Variants in PCDHGB2 observed in about 807,000 individuals in gnomAD.
PCDHGB2 encodes protocadherin gamma subfamily B, 2, also known as protocadherin gamma-B2.
PCDHGB2 carries 55 observed loss-of-function variants against 59.3 expected under a neutral mutation model. The ratio of observed to expected loss-of-function variants is 0.93; its 90% CI spans 0.75 to 1.16. PCDHGB2 has a LOEUF of 1.16. PCDHGB2 is among the 50% of genes most tolerant of loss of function. The pLI is 0.00. For missense variants in PCDHGB2, 1,228 were observed against 1,198.5 expected (o/e 1.02, Z -0.36); for synonymous variants, 516 against 512.0 (o/e 1.01, Z -0.11).
intron 1 of PCDHGB2, chr5:141,410,466 G>A (rs536543649): frequency 6.2e-7 from 1 of 1,613,908 alleles, no homozygotes; most frequent in African/African-American, 1.3e-5. Context: ...TATAATCTGT[G>A]CATTGCACAT....
chr5:141,382,838 A>C (rs1040102322), intron 1 of PCDHGB2: 1 of 1,445,878 alleles, frequency 6.9e-7, no homozygotes, highest in Non-Finnish European at 9.3e-7. Flanking sequence ...GTCCACCCGG[A>C]TACACCCGCA....
At position 141,511,345 on chromosome 5, in the gene PCDHGB2, T is replaced by A; in HGVS notation, c.*172T>A. The A allele has an allele frequency of 7.8e-6, 11 of 1,410,508 alleles. No individual in the cohort carries two copies. The highest frequency in any genetic ancestry group is 1.0e-5 in the Non-Finnish European group (11 of 1,060,682). 87.4% of individuals were successfully genotyped at this position (1,410,508 alleles called of 1,614,324 possible). ...AAGTGCCCAGTCAGCACCTACCCCT[T>A]CCCCCCCAGGGGGTTGAATATGCAA... On this transcript the variant is annotated 3_prime_UTR_variant, in exon 4 of 4. Transcript: ENST00000522605.
At chr5:141,401,815 C>A (rs1217081146) in intron 1 of PCDHGB2, among the ~76,000 whole-genome samples, 1 of 152,184 alleles carries the variant, frequency 6.6e-6, no homozygotes, top group Non-Finnish European at 1.5e-5. Context: ...GGGTTCCTTA[C>A]AAAGTGCTGA....
chr5:141,481,794 A>G (rs1433830305), intron 1 of PCDHGB2, among the ~76,000 whole-genome samples: 1 of 152,136 alleles, frequency 6.6e-6, no homozygotes, highest in Non-Finnish European at 1.5e-5. Context: ...TCTACTAAAA[A>G]TACAAAAATT....
At chr5:141,389,719 C>A (rs371194042) in intron 1 of PCDHGB2, 62 of 1,612,570 alleles carry the variant, frequency 3.8e-5, no homozygotes, top group South Asian at 1.1e-5. Flanking sequence ...GCTAGCGAGC[C>A]CGGGCTCTTC....
intron 1 of PCDHGB2, among the ~76,000 whole-genome samples, chr5:141,446,107 T>C (rs1031524158): frequency 6.6e-6 from 1 of 152,130 alleles, no homozygotes; most frequent in Admixed American, 6.5e-5. Flanking sequence ...TATAGATATA[T>C]TTAGGAAATG....
chr5:141,403,007 C>T (rs774624797), intron 1 of PCDHGB2: 10 of 1,613,940 alleles, frequency 6.2e-6, no homozygotes, highest in Non-Finnish European at 8.5e-6. Context: ...GCTATGCTCG[C>T]TCCTGGGGAT....
At position 141,361,092 on chromosome 5, in the gene PCDHGB2, C is replaced by T. The variant is rs377144808; in HGVS notation, c.957C>T (p.Ile319=). 1 of 1,613,938 alleles carries T rather than the reference C, an allele frequency of 6.2e-7. No individual in the cohort carries two copies. Among genetic ancestry groups the T allele is most frequent in the Non-Finnish European group, 8.5e-7 (1 of 1,179,866 alleles). ...FEIASSYTLS[I]EAKDPGDLAA... ...TTGCAAGTAGTTACACTCTGAGTAT[C>T]GAAGCAAAAGATCCTGGAGATCTAG... The change falls in exon 1 of 4, where the codon ATC becomes ATT. Residue 319 remains isoleucine (I), a synonymous_variant. Coordinates refer to ENST00000522605, the MANE Select transcript of PCDHGB2 (RefSeq NM_018923.3).
At chr5:141,393,494 C>T (rs750216965) in intron 1 of PCDHGB2, 16 of 1,613,946 alleles carry the variant, frequency 9.9e-6, no homozygotes, top group Non-Finnish European at 1.3e-5. Flanking sequence ...GCACAGTGCG[C>T]ATCCACGTGA....
intron 1 of PCDHGB2, chr5:141,403,850 G>T: frequency 6.2e-7 from 1 of 1,613,634 alleles, no homozygotes; most frequent in Non-Finnish European, 8.5e-7. Context: ...AAATACTGGG[G>T]AAATATCAAC....
At position 141,477,758 on chromosome 5, in the gene PCDHGB2, G is replaced by A; in HGVS notation, c.2422-17049G>A. 2 of 1,613,924 alleles carry A rather than the reference G, an allele frequency of 1.2e-6. No homozygotes were observed. The highest frequency in any genetic ancestry group is 1.7e-5 in the Admixed American group (1 of 60,022). On this transcript the variant is annotated intron_variant, in intron 1 of 3. Transcript: ENST00000522605. The surrounding 1 kb of genome is among the most constrained non-coding windows in gnomAD (Gnocchi z 4.9). ...CAGCGATGGGGGCACCCCGGTCCTA[G>A]CCACCAACATCAGCGTGAACATATT...
intron 1 of PCDHGB2, chr5:141,399,009 C>T (rs759328384): frequency 8.1e-6 from 13 of 1,613,694 alleles, no homozygotes; most frequent in African/African-American, 1.3e-5. Context: ...ATTCAAAGAG[C>T]GGAGAAATTA....
intron 1 of PCDHGB2, chr5:141,415,449 C>G: frequency 6.2e-7 from 1 of 1,614,182 alleles, no homozygotes; most frequent in Admixed American, 1.7e-5. Context: ...AGACCTATTC[C>G]CACGAGGTCT....
At chr5:141,470,302 C>A (rs996558051) in intron 1 of PCDHGB2, among the ~76,000 whole-genome samples, 5 of 152,188 alleles carry the variant, frequency 3.3e-5, no homozygotes, top group African/African-American at 1.2e-4. Context: ...GTTTTTATTC[C>A]ATTTTTCCTC....
Position 141,485,684 on chromosome 5 carries a change from A to T in PCDHGB2, c.2422-9123A>T, listed in dbSNP as rs746176226. On this transcript the variant is annotated intron_variant, in intron 1 of 3. Transcript: ENST00000522605. The surrounding 1 kb of genome is among the most constrained non-coding windows in gnomAD (Gnocchi z 5.7). ...GGGGAGCAATTCGATTAGCAGCTAT[A>T]GGCTGAGCTCCAATGAACACTTTGC... 1 of 1,614,056 alleles carries T rather than the reference A, an allele frequency of 6.2e-7. No homozygotes were observed. The highest frequency in any genetic ancestry group is 1.1e-5 in the South Asian group (1 of 91,082).
rs1561856520 is a variant in PCDHGB2 at position 141,431,983 on chromosome 5, A to C, written c.2422-62824A>C. 3.1e-6 allele frequency: 5 copies of C among 1,614,242 alleles called. No homozygotes were observed. Among genetic ancestry groups the C allele is most frequent in the Non-Finnish European group, 4.2e-6 (5 of 1,180,036 alleles). ...ATTACTATAGTTTAGTCACAGACAT[A>C]GTCTTGGATAGGGAACAGGTTCCTA... On this transcript the variant is annotated intron_variant, in intron 1 of 3. Coordinates refer to ENST00000522605, the MANE Select transcript of PCDHGB2 (RefSeq NM_018923.3). The surrounding 1 kb of genome is among the most constrained non-coding windows in gnomAD (Gnocchi z 4.8).
At chr5:141,499,029 A>AAGGAAGGAAGGAAGGAAGGAAGG (rs1562187768) in intron 2 of PCDHGB2, among the ~76,000 whole-genome samples, 1 of 139,968 alleles carries the variant, frequency 7.1e-6, no homozygotes, top group African/African-American at 2.8e-5. Flanking sequence ...AGGAAGGAAG[A>AAGGAAGGAAGGAAGGAAGGAAGG]AAAGAAAGAA....
chr5:141,491,580 G>A lies in PCDHGB2; in HGVS notation c.2422-3227G>A. 6.2e-7 allele frequency: 1 copy of A among 1,613,942 alleles called. No individual in the cohort carries two copies. Among genetic ancestry groups the A allele is most frequent in the Non-Finnish European group, 8.5e-7 (1 of 1,180,044 alleles). ...ACTGCTACAGGACGTGCTTTTCACC[G>A]GCCTCGGACGGCAGTGACTTCACTT... is the stretch of plus-strand genomic sequence containing the variant. On this transcript the variant is annotated intron_variant, in intron 1 of 3. Coordinates refer to ENST00000522605, the MANE Select transcript of PCDHGB2 (RefSeq NM_018923.3). The surrounding 1 kb of genome is among the most constrained non-coding windows in gnomAD (Gnocchi z 6.9).
intron 1 of PCDHGB2, chr5:141,365,793 C>G (rs780558730): frequency 1.2e-6 from 2 of 1,613,948 alleles, no homozygotes; most frequent in South Asian, 2.2e-5. Flanking sequence ...GCTCGAGTCA[C>G]CTACTCCCTG....
Sources: gnomAD v4.1 joint callset for allele counts (sites outside exome capture counted in the v4.1 genomes callset) on GRCh38, gnomAD v4.1.1 for gene constraint, Gnocchi (gnomAD v3.1) non-coding constraint, MANE v1.5 for transcripts, NCBI Gene and HGNC (gene_info 2026-07-23, HGNC 2026-07-21) for gene names.